PTPRD: variants seen among roughly 807,000 people sequenced by gnomAD.
PTPRD encodes protein tyrosine phosphatase receptor type D, also known as receptor-type tyrosine-protein phosphatase delta.
PTPRD carries 34 observed loss-of-function variants against 214.5 expected under a neutral mutation model. That is an observed-to-expected ratio of 0.16 (90% CI 0.12 to 0.21). The LOEUF is 0.21. Among genes scored for constraint, PTPRD ranks in the 10% least tolerant of loss-of-function variants. PTPRD has a pLI of 1.00. For synonymous variants in PTPRD, 1,128 were observed against 845.7 expected, an observed-to-expected ratio of 1.33 and a Z score of -5.79; for missense variants, 2,545 against 2,398.7, an observed-to-expected ratio of 1.06 and a Z score of -1.27.
intron 2 of PTPRD, among the ~76,000 whole-genome samples, chr9:10,515,762 C>T (rs1425442046): frequency 6.6e-6 from 1 of 151,804 alleles, no homozygotes; most frequent in Non-Finnish European, 1.5e-5. Flanking sequence ...TCACTCAGAC[C>T]CCAGCAACCA....
intron 2 of PTPRD, among the ~76,000 whole-genome samples, chr9:10,366,102 A>G (rs184368422): frequency 2.0e-4 from 31 of 152,238 alleles, no homozygotes; most frequent in African/African-American, 5.1e-4. Flanking sequence ...TGTGGTCCCA[A>G]TGTAGGTGGT....
intron 2 of PTPRD, among the ~76,000 whole-genome samples, chr9:10,556,151 C>G (rs2131326404): frequency 6.6e-6 from 1 of 152,040 alleles, no homozygotes; most frequent in South Asian, 2.1e-4. Flanking sequence ...GATGTTTACT[C>G]AATAGTATTT....
intron 11 of PTPRD, among the ~76,000 whole-genome samples, chr9:8,862,930 G>C (rs149464777): frequency 1.1e-4 from 16 of 152,288 alleles, no homozygotes; most frequent in East Asian, 1.9e-4. Context: ...GGGGTGGTGG[G>C]GGGGAGGGAG....
intron 11 of PTPRD, among the ~76,000 whole-genome samples, chr9:8,946,136 G>A (rs766781711): frequency 1.3e-5 from 2 of 152,098 alleles, no homozygotes; most frequent in Non-Finnish European, 2.9e-5. Flanking sequence ...GTAACCAAGA[G>A]CATTTGTGTT....
intron 5 of PTPRD, among the ~76,000 whole-genome samples, chr9:9,784,462 C>A (rs879533860): frequency 1.3e-5 from 2 of 152,054 alleles, no homozygotes; most frequent in African/African-American, 2.4e-5. Flanking sequence ...TCATTCTAAT[C>A]TCACATTCTA....
Position 8,530,233 on chromosome 9 carries a change from G to T in PTPRD, c.353-1454C>A, listed in dbSNP as rs1232719134. On this transcript the variant is annotated intron_variant, in intron 14 of 45. Coordinates refer to ENST00000381196, the MANE Select transcript of PTPRD (RefSeq NM_002839.4). ...CAACTCTCTCCCTCTAGAGCCGAGGGGTAAACTCAGTCTCCTAAACCTCAC... is the reference window on the plus strand; with the variant it reads ...CAACTCTCTCCCTCTAGAGCCGAGGTGTAAACTCAGTCTCCTAAACCTCAC... 2.0e-5 allele frequency among the ~76,000 whole-genome samples: 3 copies of T among 151,906 alleles called. No individual in the cohort carries two copies. In the East Asian group the frequency reaches 5.8e-4, roughly 29 times the overall value.
At chr9:9,223,825 C>T (rs926610338) in intron 9 of PTPRD, among the ~76,000 whole-genome samples, 7 of 151,890 alleles carry the variant, frequency 4.6e-5, no homozygotes, top group East Asian at 3.9e-4. Flanking sequence ...GTGAAGAGTT[C>T]GGCTGAGTAC....
intron 11 of PTPRD, among the ~76,000 whole-genome samples, chr9:8,747,469 G>A (rs1474558132): frequency 6.6e-6 from 1 of 152,006 alleles, no homozygotes; most frequent in Admixed American, 6.6e-5. Flanking sequence ...GTCTTACACT[G>A]CAGGGGTCAC....
chr9:10,560,301 T>C lies in PTPRD; in HGVS notation c.-600+52097A>G, dbSNP rs541080172. Among the ~76,000 whole-genome samples the C allele has an allele frequency of 8.8e-4, 133 of 151,682 alleles. 1 individual carries two copies. In the South Asian group the frequency reaches 9.5e-3, roughly 11 times the overall value. On this transcript the variant is annotated intron_variant, in intron 2 of 45. Coordinates refer to ENST00000381196, the MANE Select transcript of PTPRD (RefSeq NM_002839.4). ...GAAATCATCATTCTCAGTAAACTAT[T>C]GCAAGAACAAAAAAACAAACACCGC...
chr9:8,373,826 A>G (rs4008210), intron 39 of PTPRD, among the ~76,000 whole-genome samples: 17,835 of 122,144 alleles, frequency 0.15, 1,911 homozygotes, highest in African/African-American at 0.38. Context: ...GTATGTATGT[A>G]TGTATGTATG....
Position 9,135,268 on chromosome 9 carries a change from A to G in PTPRD, c.-143+48036T>C, listed in dbSNP as rs148568503. Among the ~76,000 whole-genome samples the G allele has an allele frequency of 2.7e-3, 408 of 152,352 alleles. 2 individuals are homozygous for G. The highest frequency in any genetic ancestry group is 4.3e-3 in the Non-Finnish European group (295 of 68,026). ...TCAAACAATTCCTCTGGCACCTAGT[A>G]TGATACTTTGTACATAGTAGAAAAA... On this transcript the variant is annotated intron_variant, in intron 10 of 45. Coordinates refer to ENST00000381196, the MANE Select transcript of PTPRD (RefSeq NM_002839.4).
intron 6 of PTPRD, among the ~76,000 whole-genome samples, chr9:9,748,253 G>A (rs2098478084): frequency 1.3e-5 from 2 of 152,030 alleles, no homozygotes; most frequent in African/African-American, 4.8e-5. Flanking sequence ...TATGTCCTCT[G>A]TACTTTTTAA....
chr9:8,484,332 G>T lies in PTPRD; in HGVS notation c.3200C>A (p.Ala1067Asp), dbSNP rs867086172. The change falls in exon 30 of 46, where the codon GCC (alanine) becomes GAC (aspartate). Residue 1067 changes from alanine to aspartate, a missense_variant. Physicochemically the swap from Ala to Asp is moderately radical, Grantham distance 126 (BLOSUM62 -2). Transcript: ENST00000381196. ...GKMVEEVDGRATQKLIVNLKP... is the reference protein window; with the variant it reads ...GKMVEEVDGRDTQKLIVNLKP... ...CAGGTTGACAATTAACTTCTGTGTGGCTCGGCCATCCACTTCTTCTACCAT... is the reference window on the plus strand; with the variant it reads ...CAGGTTGACAATTAACTTCTGTGTGTCTCGGCCATCCACTTCTTCTACCAT... 1 of 1,613,848 alleles carries T rather than the reference G, an allele frequency of 6.2e-7. No homozygotes were observed. Among genetic ancestry groups the T allele is most frequent in the African/African-American group, 1.3e-5 (1 of 74,868 alleles).
At chr9:9,530,785 A>T (rs193202434) in intron 8 of PTPRD, among the ~76,000 whole-genome samples, 4 of 152,268 alleles carry the variant, frequency 2.6e-5, no homozygotes, top group Admixed American at 2.6e-4. Context: ...CAGGCACAGA[A>T]ACACAGATAC....
At chr9:8,997,158 A>G (rs142294296) in intron 11 of PTPRD, among the ~76,000 whole-genome samples, 52 of 152,210 alleles carry the variant, frequency 3.4e-4, no homozygotes, top group Admixed American at 1.0e-3. Context: ...TATTTTTTCT[A>G]TTTGAACATT....
intron 12 of PTPRD, among the ~76,000 whole-genome samples, chr9:8,664,512 C>A (rs1019186631): frequency 4.6e-5 from 7 of 152,148 alleles, no homozygotes; most frequent in African/African-American, 1.7e-4. Context: ...GAAAAACAAG[C>A]CTTTATATAG....
chr9:9,364,799 T>C (rs1413287803), intron 9 of PTPRD, among the ~76,000 whole-genome samples: 5 of 151,506 alleles, frequency 3.3e-5, no homozygotes, highest in African/African-American at 1.2e-4. Flanking sequence ...TGAGGAGTGA[T>C]GTGACCTGAC....
intron 5 of PTPRD, among the ~76,000 whole-genome samples, chr9:9,868,557 G>T (rs1205454687): frequency 6.6e-6 from 1 of 151,334 alleles, no homozygotes; most frequent in Non-Finnish European, 1.5e-5. Flanking sequence ...CTTTCTATGT[G>T]AATAAAAAGT....
chr9:8,344,144 A>G (rs1855231686), intron 39 of PTPRD, among the ~76,000 whole-genome samples: 1 of 152,060 alleles, frequency 6.6e-6, no homozygotes, highest in Admixed American at 6.6e-5. Flanking sequence ...ACTCCAAGTA[A>G]CATCTTTCGT....
Sources: allele counts gnomAD v4.1 joint callset (sites outside exome capture counted in the v4.1 genomes callset), GRCh38; gene constraint gnomAD v4.1.1; transcripts MANE v1.5; gene names NCBI Gene and HGNC (gene_info 2026-07-23, HGNC 2026-07-21).